Variants in ST14 observed in about 807,000 individuals in gnomAD.
The protein encoded by ST14 is ST14 transmembrane serine protease matriptase.
ST14 carries 40 observed loss-of-function variants against 96.5 expected under a neutral mutation model. The ratio of observed to expected loss-of-function variants is 0.41; its 90% CI spans 0.32 to 0.54. The LOEUF is 0.54. ST14 is among the 20% of genes least tolerant of loss of function. The probability of loss-of-function intolerance (pLI) is 0.17; values close to 1 mark genes in which losing one functional copy is unlikely to be tolerated. For synonymous variants in ST14, 506 were observed against 492.1 expected (o/e 1.03, Z -0.37); for missense variants, 1,066 against 1,188.9 (o/e 0.90, Z 1.52).
At chr11:130,190,803 A>G in intron 7 of ST14, 109 bp downstream of exon 7, 2 of 1,364,854 alleles carry the variant, frequency 1.5e-6, no homozygotes, top group Middle Eastern at 2.6e-4. Context: ...GCCGCAGGCC[A>G]CTGCTAAACA....
chr11:130,179,632 G>A (rs914145534), intron 1 of ST14, among the ~76,000 whole-genome samples: 1 of 152,160 alleles, frequency 6.6e-6, no homozygotes, highest in Non-Finnish European at 1.5e-5. Context: ...AACTGGGGAG[G>A]GCCTGTCTAT....
At chr11:130,206,713 A>C (rs1953493300) in intron 16 of ST14, among the ~76,000 whole-genome samples, 1 of 151,792 alleles carries the variant, frequency 6.6e-6, no homozygotes, top group Admixed American at 6.6e-5. Context: ...GATTACAGGC[A>C]CCGGCCACCA....
At position 130,187,604 on chromosome 11, in the gene ST14, C is replaced by G. The variant is rs1393199530; in HGVS notation, c.82-510C>G. ...GCTGGGTAGGGTGTGCAGTTGAGTG[C>G]TGGCCACAGGCTCCTGGGCCAGGTG... On this transcript the variant is annotated intron_variant, in intron 1 of 18. Coordinates refer to ENST00000278742, the MANE Select transcript of ST14 (RefSeq NM_021978.4). The surrounding 1 kb of genome is among the most constrained non-coding windows in gnomAD (Gnocchi z 4.5). Among the ~76,000 whole-genome samples the G allele has an allele frequency of 6.6e-6, 1 of 152,132 alleles. No homozygotes were observed. The highest frequency in any genetic ancestry group is 1.5e-5 in the Non-Finnish European group (1 of 68,026).
rs886326675 is a variant in ST14, at chr11:130,210,256, A to G, written c.*433A>G. The stretch of plus-strand genomic sequence containing the variant: ...TCTTGAGGAAGCCCAGGCTCGGAGG[A>G]CCCTGGAAAACAGACGGGTCTGAGA... On this transcript the variant is annotated 3_prime_UTR_variant, in exon 19 of 19. Coordinates refer to ENST00000278742, the MANE Select transcript of ST14 (RefSeq NM_021978.4). 11 of 176,312 alleles carry G rather than the reference A, an allele frequency of 6.2e-5. No homozygotes were observed. Among genetic ancestry groups the G allele is most frequent in the African/African-American group, 2.4e-4 (10 of 42,144 alleles). 10.9% of individuals were successfully genotyped at this position (176,312 alleles called of 1,614,324 possible).
At chr11:130,173,715 G>A (rs975332577) in intron 1 of ST14, among the ~76,000 whole-genome samples, 13 of 152,276 alleles carry the variant, frequency 8.5e-5, no homozygotes, top group African/African-American at 3.1e-4. Context: ...GATCCCAGGA[G>A]CCAATCCTTG....
intron 1 of ST14, among the ~76,000 whole-genome samples, chr11:130,179,509 G>A (rs1005994884): frequency 1.3e-5 from 2 of 152,144 alleles, no homozygotes; most frequent in Non-Finnish European, 2.9e-5. Context: ...ATGAGGCCCC[G>A]TGCTGGGCCC....
chr11:130,198,041 G>A (rs918325201), intron 12 of ST14, 96 bp downstream of exon 12: 183 of 1,282,858 alleles, frequency 1.4e-4, no homozygotes, highest in Non-Finnish European at 1.8e-4. Flanking sequence ...CAGAAAGGCC[G>A]GAGGTGGTGG....
Position 130,181,238 on chromosome 11 carries a change from C to T in ST14, c.82-6876C>T, listed in dbSNP as rs1419055146. On this transcript the variant is annotated intron_variant, in intron 1 of 18. Transcript: ENST00000278742. The surrounding 1 kb of genome is among the most constrained non-coding windows in gnomAD (Gnocchi z 4.1). ...CCTGCTGGGTGAGATAGTGGTGGTC[C>T]CTGTTAGATCCTGGCCCTTTAGGGT... Among the ~76,000 whole-genome samples, 5 of 152,100 alleles carry T rather than the reference C, an allele frequency of 3.3e-5. No individual in the cohort carries two copies. The highest frequency in any genetic ancestry group is 7.4e-5 in the Non-Finnish European group (5 of 68,022).
In ST14 at chr11:130,190,094, TCTC is replaced by T. The variant is rs1179635466; in HGVS notation, c.599-16_599-14del. 2.5e-6 allele frequency: 4 copies of T among 1,613,984 alleles called. No homozygotes were observed. Among genetic ancestry groups the T allele is most frequent in the South Asian group, 1.1e-5 (1 of 91,092 alleles). On this transcript the variant is annotated splice_polypyrimidine_tract_variant and intron_variant, in intron 5 of 18. Coordinates refer to ENST00000278742, the MANE Select transcript of ST14 (RefSeq NM_021978.4). ...TGGATTGTATCAGGAAATGCTTTAT[TCTC>T]CTTCTTATTCTTCAGCCACGGACTC...
At chr11:130,160,835 G>T (rs1196774925) in intron 1 of ST14, among the ~76,000 whole-genome samples, 3 of 152,332 alleles carry the variant, frequency 2.0e-5, no homozygotes, top group South Asian at 2.1e-4. Flanking sequence ...TAGTGCCCGG[G>T]CGGGACCAGC....
chr11:130,180,792 A>G (rs895234715), intron 1 of ST14, among the ~76,000 whole-genome samples: 1 of 152,202 alleles, frequency 6.6e-6, no homozygotes, highest in Non-Finnish European at 1.5e-5. Context: ...ATATTATCAA[A>G]TAAAATAGGT....
Position 130,185,525 on chromosome 11 carries a change from G to A in ST14, c.82-2589G>A, listed in dbSNP as rs140595172. 4.5e-3 allele frequency among the ~76,000 whole-genome samples: 682 copies of A among 152,220 alleles called. 10 individuals are homozygous for A. Among genetic ancestry groups the A allele is most frequent in the African/African-American group, 0.016 (656 of 41,538 alleles). On this transcript the variant is annotated intron_variant, in intron 1 of 18. Coordinates refer to ENST00000278742, the MANE Select transcript of ST14 (RefSeq NM_021978.4). ...AAAAAAATTAACTGGACACGGTGGT[G>A]TACAGCTATAGTCCTACCTACTCAG...
intron 11 of ST14, 73 bp downstream of exon 11, chr11:130,196,773 A>G (rs2136216484): frequency 1.9e-6 from 3 of 1,605,912 alleles, no homozygotes; most frequent in Admixed American, 1.7e-5. Flanking sequence ...GCATCTCGTT[A>G]GCATCGTGCT....
At position 130,200,006 on chromosome 11, in the gene ST14, G is replaced by A. The variant is rs574170250; in HGVS notation, c.1863G>A (p.Ala621=). The change falls in exon 16 of 19, where the codon GCG becomes GCA. Residue 621 remains alanine (A), a synonymous_variant. Transcript: ENST00000278742. ...CTCGTGTTGTTGGGGGCACGGATGC[G>A]GATGAGGGCGAGTGGCCCTGGCAGG... ...RQARVVGGTD[A]DEGEWPWQVS... is the part of the protein sequence containing the mutation. The A allele has an allele frequency of 1.5e-4, 238 of 1,614,100 alleles. No homozygotes were observed. In the South Asian group the frequency reaches 2.4e-3, roughly 16 times the overall value.
intron 16 of ST14, 85 bp from the exon 17 acceptor site, chr11:130,208,325 G>C: frequency 6.9e-6 from 11 of 1,592,690 alleles, no homozygotes; most frequent in Non-Finnish European, 9.5e-6. Flanking sequence ...CATCCATGCG[G>C]AATCCTCTGG....
intron 16 of ST14, among the ~76,000 whole-genome samples, chr11:130,206,232 C>T (rs1462834573): frequency 2.6e-5 from 4 of 152,260 alleles, no homozygotes; most frequent in East Asian, 3.9e-4. Flanking sequence ...AAGCAGTGCG[C>T]GGGCGGTGCT....
chr11:130,198,730 T>C, intron 14 of ST14, 109 bp downstream of exon 14: 1 of 1,329,980 alleles, frequency 7.5e-7, no homozygotes, highest in East Asian at 2.4e-5. Context: ...ACAAACCACC[T>C]GTGTGTTAAG....
At position 130,188,742 on chromosome 11, in the gene ST14, CT is replaced by C. The variant is rs1232247013; in HGVS notation, c.369+86del. On this transcript the variant is annotated intron_variant, in intron 3 of 18. Transcript: ENST00000278742. This position sits in a 1 kb window ranked among gnomAD's most constrained non-coding sequence, Gnocchi z 5.4. ...GCAGGAGGGACATGCCTCGCCTGTG[CT>C]CCCAGGGCCCTGGGATGGGGGTGAT... 1 of 1,609,332 alleles carries C rather than the reference CT, an allele frequency of 6.2e-7. No individual in the cohort carries two copies. The highest frequency in any genetic ancestry group is 2.2e-5 in the East Asian group (1 of 44,834).
chr11:130,183,039 C>A (rs933230068), intron 1 of ST14, among the ~76,000 whole-genome samples: 1 of 152,014 alleles, frequency 6.6e-6, no homozygotes, highest in Non-Finnish European at 1.5e-5. Context: ...TCACCGCAAC[C>A]TCTGCCTCCT....
Sources: allele counts gnomAD v4.1 joint callset (sites outside exome capture counted in the v4.1 genomes callset), GRCh38; gene constraint gnomAD v4.1.1; non-coding constraint Gnocchi (gnomAD v3.1); transcripts MANE v1.5; gene names NCBI Gene and HGNC (gene_info 2026-07-23, HGNC 2026-07-21).